NDUFAF6: variants seen among roughly 807,000 people sequenced by gnomAD.
The protein encoded by NDUFAF6 is NADH dehydrogenase (ubiquinone) complex I, assembly factor 6.
In NDUFAF6, 45 loss-of-function variants were observed where a neutral mutation model predicts 40.8. That is an observed-to-expected ratio of 1.10 (90% CI 0.87 to 1.42). The LOEUF (loss-of-function observed/expected upper bound fraction) is 1.42, where lower values mean the gene tolerates loss of function less well. NDUFAF6 is among the 40% of genes most tolerant of loss of function. NDUFAF6 has a pLI of 0.00. For missense variants in NDUFAF6, 435 were observed against 418.5 expected, an observed-to-expected ratio of 1.04 and a Z score of -0.34; for synonymous variants, 185 against 155.9, an observed-to-expected ratio of 1.19 and a Z score of -1.39.
At chr8:95,113,841 G>A (rs568446353) in intron 4 of NDUFAF6, among the ~76,000 whole-genome samples, 11 of 152,076 alleles carry the variant, frequency 7.2e-5, no homozygotes, top group Non-Finnish European at 1.2e-4. Context: ...GAGAGACTCC[G>A]TCTCAAAATT....
upstream of NDUFAF6, among the ~76,000 whole-genome samples, chr8:95,099,156 C>T (rs1186430778): frequency 6.6e-6 from 1 of 152,090 alleles, no homozygotes; most frequent in Non-Finnish European, 1.5e-5. Context: ...GGGAAAATTG[C>T]TTGATCCCAG....
At chr8:95,047,896 C>T (rs1053031851) in intron 6 of NDUFAF6, among the ~76,000 whole-genome samples, 1 of 151,946 alleles carries the variant, frequency 6.6e-6, no homozygotes, top group Admixed American at 6.6e-5. Flanking sequence ...TTCATTCTAC[C>T]TACAACTTGT....
intron 1 of NDUFAF6, among the ~76,000 whole-genome samples, chr8:94,965,745 C>T (rs10104909): frequency 0.47 from 70,723 of 151,922 alleles, 17,417 homozygotes; most frequent in East Asian, 0.72. Context: ...CTAGGTAGTT[C>T]GTAAAGTCAT....
chr8:95,004,349 CTTTTTTT>C (rs11422482), intron 2 of NDUFAF6, among the ~76,000 whole-genome samples: 27 of 92,436 alleles, frequency 2.9e-4, no homozygotes, highest in Admixed American at 5.7e-4. Context: ...CTCACCATTA[CTTTTTTT>C]TTTTTTTTTT....
At chr8:95,068,660 A>G (rs1393803495) in intron 9 of NDUFAF6, 1 of 151,902 alleles carries the variant, frequency 6.6e-6, no homozygotes, top group Non-Finnish European at 1.5e-5. Context: ...ACAATGAAGG[A>G]GTGAGAGGGC....
At chr8:95,037,277 C>T (rs1197908212) in intron 3 of NDUFAF6, among the ~76,000 whole-genome samples, 1 of 152,180 alleles carries the variant, frequency 6.6e-6, no homozygotes, top group African/African-American at 2.4e-5. Context: ...TACTTTTTTA[C>T]CTTGGTCTCC....
intron 9 of NDUFAF6, chr8:95,072,048 G>A (rs777628866): frequency 3.3e-5 from 5 of 152,160 alleles, no homozygotes; most frequent in Non-Finnish European, 4.4e-5. Context: ...AGAAGATGCT[G>A]GTTTCCACCT....
At chr8:94,967,292 T>G (rs918306704) in intron 1 of NDUFAF6, among the ~76,000 whole-genome samples, 4 of 152,210 alleles carry the variant, frequency 2.6e-5, no homozygotes, top group Admixed American at 6.5e-5. Flanking sequence ...TGCCCCTCTG[T>G]GTTGGCCTTG....
At chr8:94,960,731 C>G (rs1453004551) in intron 1 of NDUFAF6, among the ~76,000 whole-genome samples, 1 of 152,204 alleles carries the variant, frequency 6.6e-6, no homozygotes, top group African/African-American at 2.4e-5. Flanking sequence ...TGGAAACCAC[C>G]TGTAGCAGCA....
chr8:95,055,005 A>G (rs542892882), intron 8 of NDUFAF6, among the ~76,000 whole-genome samples: 1 of 152,216 alleles, frequency 6.6e-6, no homozygotes, highest in Admixed American at 6.5e-5. Flanking sequence ...TGAGAGTTTC[A>G]CAATCAATTT....
downstream of NDUFAF6, among the ~76,000 whole-genome samples, chr8:95,105,273 G>A (rs1809802700): frequency 6.6e-6 from 1 of 152,174 alleles, no homozygotes; most frequent in African/African-American, 2.4e-5. Flanking sequence ...AGCTGGCCAT[G>A]CCTGTAAGCA....
chr8:95,081,705 CATA>C (rs1808874413), intron 2 of NDUFAF6, among the ~76,000 whole-genome samples: 1 of 152,184 alleles, frequency 6.6e-6, no homozygotes, highest in Admixed American at 6.5e-5. Flanking sequence ...AAAAGAAAAG[CATA>C]ATGTTTTTCC....
intron 2 of NDUFAF6, chr8:94,949,404 T>A (rs1272382722): frequency 1.3e-5 from 2 of 150,938 alleles, no homozygotes; most frequent in African/African-American, 4.9e-5. Context: ...CCGCTCGCCG[T>A]CGGGCCCCGC....
intron 2 of NDUFAF6, among the ~76,000 whole-genome samples, chr8:94,986,911 G>A (rs1473067646): frequency 6.6e-6 from 1 of 152,184 alleles, no homozygotes; most frequent in Non-Finnish European, 1.5e-5. Context: ...AGGAGCTCTT[G>A]TTTATGTGGG....
At chr8:94,920,267 T>C (rs920934395) in intron 1 of NDUFAF6, among the ~76,000 whole-genome samples, 1 of 152,216 alleles carries the variant, frequency 6.6e-6, no homozygotes, top group Admixed American at 6.5e-5. Context: ...ATTCCTGCCC[T>C]ATAACACAAT....
At chr8:95,056,627 C>T (rs1190969236) in intron 8 of NDUFAF6, among the ~76,000 whole-genome samples, 1 of 151,826 alleles carries the variant, frequency 6.6e-6, no homozygotes, top group African/African-American at 2.4e-5. Flanking sequence ...TAGATAATGG[C>T]CGGGTGCGGT....
At chr8:95,053,913 C>A (rs1831751447) in intron 8 of NDUFAF6, among the ~76,000 whole-genome samples, 1 of 146,624 alleles carries the variant, frequency 6.8e-6, no homozygotes, top group South Asian at 2.1e-4. Context: ...AGGTGTGAGC[C>A]ACCGTGCCCG....
At chr8:94,918,706 G>C (rs1458284460) in intron 1 of NDUFAF6, among the ~76,000 whole-genome samples, 2 of 152,082 alleles carry the variant, frequency 1.3e-5, no homozygotes, top group African/African-American at 4.8e-5. Flanking sequence ...CCCATCCTTT[G>C]CTTCCTCCTC....
intron 2 of NDUFAF6, among the ~76,000 whole-genome samples, chr8:94,990,998 C>G (rs1028964173): frequency 6.6e-6 from 1 of 152,224 alleles, no homozygotes; most frequent in Non-Finnish European, 1.5e-5. Flanking sequence ...CCCTGTACCT[C>G]TAGTCACTTA....
Sources: gnomAD v4.1 joint callset for allele counts (sites outside exome capture counted in the v4.1 genomes callset) on GRCh38, gnomAD v4.1.1 for gene constraint, MANE v1.5 for transcripts, NCBI Gene and HGNC (gene_info 2026-07-23, HGNC 2026-07-21) for gene names.